NUP62CL: variants seen among roughly 807,000 people sequenced by gnomAD.
The protein encoded by NUP62CL is nucleoporin 62 C-terminal like, also known as nucleoporin-62 C-terminal-like protein.
A neutral mutation model predicts 15.3 loss-of-function variants in NUP62CL; 13 were observed. The observed-to-expected ratio is 0.85, with a 90% CI of 0.55 to 1.35. The LOEUF is 1.35. Among genes scored for constraint, NUP62CL ranks in the 40% most tolerant of loss-of-function variants. The pLI, the probability that NUP62CL is intolerant of heterozygous loss-of-function variation, is 0.00. For missense variants in NUP62CL, 123 were observed against 130.6 expected, an observed-to-expected ratio of 0.94 and a Z score of 0.28; for synonymous variants, 54 against 49.2, an observed-to-expected ratio of 1.10 and a Z score of -0.41.
chrX:107,141,993 T>C (rs954191233), intron 8 of NUP62CL, among the ~76,000 whole-genome samples: 2 of 109,604 alleles, frequency 1.8e-5, no homozygotes, highest in African/African-American at 6.7e-5. Flanking sequence ...GAGGTTGCAG[T>C]GAGCCGAGAT....
chrX:107,132,247 T>G, intron 8 of NUP62CL: 1 of 1,081,364 alleles, frequency 9.2e-7, no homozygotes, highest in Non-Finnish European at 1.3e-6. Context: ...TCTGTTTTTA[T>G]GGAAACTCAA....
intron 8 of NUP62CL, among the ~76,000 whole-genome samples, chrX:107,136,986 C>T (rs1257856012): frequency 8.9e-6 from 1 of 111,858 alleles, no homozygotes; most frequent in Non-Finnish European, 1.9e-5. Flanking sequence ...ATCGCTTGAA[C>T]CTGGGAGGCG....
chrX:107,176,334 G>A (rs755612304), intron 2 of NUP62CL, among the ~76,000 whole-genome samples: 26 of 111,400 alleles, frequency 2.3e-4, no homozygotes, highest in African/African-American at 8.2e-4. Context: ...TCCTGAAATC[G>A]GAAGAATTAA....
At chrX:107,198,536 C>G (rs764900987) in intron 1 of NUP62CL, among the ~76,000 whole-genome samples, 4 of 111,654 alleles carry the variant, frequency 3.6e-5, no homozygotes, top group African/African-American at 9.8e-5. Flanking sequence ...CAGCTTCACT[C>G]CTGAAGCCAG....
chrX:107,185,923 AG>A (rs979691601), intron 2 of NUP62CL, among the ~76,000 whole-genome samples: 2 of 111,779 alleles, frequency 1.8e-5, no homozygotes, highest in Non-Finnish European at 3.8e-5. Flanking sequence ...AGTAGGGAGT[AG>A]ATATATTATT....
chrX:107,134,598 C>T (rs1463208517), intron 8 of NUP62CL, among the ~76,000 whole-genome samples: 1 of 110,830 alleles, frequency 9.0e-6, no homozygotes, highest in Non-Finnish European at 1.9e-5. Flanking sequence ...GGACTACAGG[C>T]GTGTGCGACC....
intron 4 of NUP62CL, among the ~76,000 whole-genome samples, chrX:107,164,492 G>A (rs1380726187): frequency 1.8e-5 from 2 of 108,687 alleles, no homozygotes; most frequent in African/African-American, 3.4e-5. Flanking sequence ...AAATAATAGA[G>A]TAGATATCAA....
chrX:107,135,163 G>C (rs1261091995), intron 8 of NUP62CL, among the ~76,000 whole-genome samples: 3 of 111,735 alleles, frequency 2.7e-5, no homozygotes, highest in Admixed American at 1.9e-4. Flanking sequence ...TTTTTGCTTT[G>C]TATCAGAATC....
At chrX:107,135,958 C>T (rs1252123779) in intron 8 of NUP62CL, among the ~76,000 whole-genome samples, 1 of 110,769 alleles carries the variant, frequency 9.0e-6, no homozygotes, top group African/African-American at 3.3e-5. Context: ...TGCTACCCTC[C>T]AACCCATAAG....
In NUP62CL at chrX:107,178,187, A is replaced by G. The variant is rs757622867; in HGVS notation, c.-47-2994T>C. Among the ~76,000 whole-genome samples the G allele has an allele frequency of 2.7e-5, 3 of 111,839 alleles. No individual in the cohort carries two copies. The East Asian group carries it at 8.4e-4, about 31-fold the overall frequency. On this transcript the variant is annotated intron_variant, in intron 2 of 8. Transcript: ENST00000372466. ...TAGTGGTTGCCAAAGACTGGGGAAA[A>G]GGAGGAATGGGCAATGACTGCTAAT...
intron 4 of NUP62CL, among the ~76,000 whole-genome samples, chrX:107,162,154 A>C (rs367985769): frequency 9.9e-4 from 110 of 111,241 alleles, no homozygotes; most frequent in African/African-American, 3.4e-3. Context: ...GAATAAGAAA[A>C]CTTGATGACA....
intron 8 of NUP62CL, among the ~76,000 whole-genome samples, chrX:107,128,055 C>A (rs1359657645): frequency 8.9e-6 from 1 of 111,852 alleles, no homozygotes; most frequent in African/African-American, 3.2e-5. Context: ...TAAATTAGTA[C>A]AACCTACCTG....
intron 2 of NUP62CL, among the ~76,000 whole-genome samples, chrX:107,190,106 GAATACAAGTTA>G (rs1927203982): frequency 9.0e-6 from 1 of 111,059 alleles, no homozygotes; most frequent in South Asian, 3.8e-4. Context: ...CATTAATGTT[GAATACAAGTTA>G]AATGTATTTT....
chrX:107,190,939 G>A (rs1410029828), intron 2 of NUP62CL, among the ~76,000 whole-genome samples: 10 of 108,713 alleles, frequency 9.2e-5, no homozygotes, highest in Non-Finnish European at 1.7e-4. Flanking sequence ...CACCTCATGT[G>A]ACAGGGTATT....
At chrX:107,155,715 CTAACA>C (rs1243218449) in intron 4 of NUP62CL, among the ~76,000 whole-genome samples, 2 of 112,251 alleles carry the variant, frequency 1.8e-5, no homozygotes, top group Non-Finnish European at 3.8e-5. Context: ...CTAGACTTTC[CTAACA>C]TAATAGACAA....
At chrX:107,204,672 A>G (rs1187090036) in intron 1 of NUP62CL, among the ~76,000 whole-genome samples, 4 of 108,676 alleles carry the variant, frequency 3.7e-5, no homozygotes, top group Non-Finnish European at 7.6e-5. Flanking sequence ...AGCCAGGGCA[A>G]TCTGCATTTT....
At chrX:107,187,512 C>A (rs577616217) in intron 2 of NUP62CL, among the ~76,000 whole-genome samples, 3 of 112,208 alleles carry the variant, frequency 2.7e-5, no homozygotes, top group African/African-American at 9.7e-5. Flanking sequence ...ATTCTCCTGC[C>A]TCGGCCTCCC....
intron 3 of NUP62CL, among the ~76,000 whole-genome samples, chrX:107,171,232 T>A (rs1349327526): frequency 8.9e-6 from 1 of 111,764 alleles, no homozygotes; most frequent in Non-Finnish European, 1.9e-5. Context: ...AGAATCTGAA[T>A]AAGTAAATAC....
intron 2 of NUP62CL, among the ~76,000 whole-genome samples, chrX:107,182,639 G>C (rs939142566): frequency 1.8e-5 from 2 of 110,993 alleles, no homozygotes; most frequent in East Asian, 5.7e-4. Context: ...CAACAGAACA[G>C]AATAGAAAGC....
Sources: gnomAD v4.1 joint callset for allele counts (sites outside exome capture counted in the v4.1 genomes callset) on GRCh38, gnomAD v4.1.1 for gene constraint, MANE v1.5 for transcripts, NCBI Gene and HGNC (gene_info 2026-07-23, HGNC 2026-07-21) for gene names.